Variants in SMG7 observed in about 807,000 individuals in gnomAD.
SMG7 encodes the protein SMG7 nonsense mediated mRNA decay factor.
In SMG7, 34 loss-of-function variants were observed where a neutral mutation model predicts 148.2. That is an observed-to-expected ratio of 0.23 (90% confidence interval 0.17 to 0.31). The LOEUF (loss-of-function observed/expected upper bound fraction) is 0.31. Ranked by LOEUF, SMG7 falls within the 10% of genes least tolerant of loss-of-function variation. The pLI, the probability that SMG7 is intolerant of heterozygous loss-of-function variation, is 1.00. For synonymous variants in SMG7, 492 were observed against 515.1 expected (o/e 0.96, Z 0.61); for missense variants, 1,114 against 1,408.4 (o/e 0.79, Z 3.35).
chr1:183,476,617 C>T (rs1652244737), intron 1 of SMG7, among the ~76,000 whole-genome samples: 1 of 152,144 alleles, frequency 6.6e-6, no homozygotes, highest in African/African-American at 2.4e-5. Flanking sequence ...GAAAACCTAT[C>T]TTCTATGTGG....
intron 10 of SMG7, among the ~76,000 whole-genome samples, chr1:183,536,596 G>C (rs1390375025): frequency 1.3e-5 from 2 of 152,064 alleles, no homozygotes; most frequent in Non-Finnish European, 2.9e-5. Flanking sequence ...TATTTCATGT[G>C]TAAGCTTTCA....
At chr1:183,507,384 AT>A (rs941051809) in intron 1 of SMG7, among the ~76,000 whole-genome samples, 11 of 151,546 alleles carry the variant, frequency 7.3e-5, no homozygotes, top group East Asian at 3.9e-4. Context: ...AAACATTTCA[AT>A]TTTTTTTTCT....
At chr1:183,512,052 T>G (rs946197062) in intron 1 of SMG7, among the ~76,000 whole-genome samples, 3 of 152,024 alleles carry the variant, frequency 2.0e-5, no homozygotes, top group African/African-American at 2.4e-5. Flanking sequence ...TCTTGATGAA[T>G]TTGAGAGGGG....
rs1423675238 is a variant in SMG7, at chr1:183,527,596, T to C, written c.485-360T>C. 10 of 473,672 alleles carry C rather than the reference T, an allele frequency of 2.1e-5. No homozygotes were observed. The highest frequency in any genetic ancestry group is 3.9e-5 in the Non-Finnish European group (9 of 229,014). The allele number at this position is 473,672 out of a possible 1,614,324, so 29.3% of individuals were successfully genotyped here. On this transcript the variant is annotated intron_variant, in intron 5 of 22. Transcript: ENST00000688051. This position sits in a 1 kb window ranked among gnomAD's most constrained non-coding sequence, Gnocchi z 4.0. ...TACATAATTTTCAGATCATATTGTA[T>C]AGTGTATTTTGTTTTGTTTTGTTTT...
intron 3 of SMG7, among the ~76,000 whole-genome samples, chr1:183,517,285 C>A (rs535953129): frequency 6.6e-6 from 1 of 152,152 alleles, no homozygotes; most frequent in Non-Finnish European, 1.5e-5. Flanking sequence ...AAATCCCTGC[C>A]CCCATATACA....
chr1:183,494,043 A>G (rs1156888862), intron 1 of SMG7, among the ~76,000 whole-genome samples: 3 of 152,120 alleles, frequency 2.0e-5, no homozygotes, highest in Non-Finnish European at 4.4e-5. Context: ...GCTGCAGTGC[A>G]GTGACACCAT....
At chr1:183,498,016 CT>C (rs1658925273) in intron 1 of SMG7, among the ~76,000 whole-genome samples, 1 of 152,214 alleles carries the variant, frequency 6.6e-6, no homozygotes, top group South Asian at 2.1e-4. Context: ...TTTTGAGTAT[CT>C]TTTGTTTTTC....
At chr1:183,484,629 G>A (rs996352897) in intron 1 of SMG7, among the ~76,000 whole-genome samples, 12 of 151,914 alleles carry the variant, frequency 7.9e-5, no homozygotes, top group Admixed American at 2.6e-4. Context: ...CATTTCCTTT[G>A]TATGAGGGTT....
At chr1:183,481,679 T>G (rs1246331307) in intron 1 of SMG7, among the ~76,000 whole-genome samples, 1 of 152,176 alleles carries the variant, frequency 6.6e-6, no homozygotes, top group Non-Finnish European at 1.5e-5. Context: ...GAGACAGATG[T>G]GGCACAAATA....
chr1:183,532,611 G>A (rs116566171), intron 8 of SMG7, among the ~76,000 whole-genome samples: 237 of 152,218 alleles, frequency 1.6e-3, no homozygotes, highest in Admixed American at 2.1e-3. Context: ...GTTTTAGTAT[G>A]CCATTTACCC....
intron 18 of SMG7, among the ~76,000 whole-genome samples, chr1:183,547,516 C>T (rs1414437694): frequency 6.6e-6 from 1 of 152,216 alleles, no homozygotes; most frequent in African/African-American, 2.4e-5. Context: ...GCTGGTCACA[C>T]ACACGATGTG....
chr1:183,540,438 A>G (rs761377960), intron 12 of SMG7, among the ~76,000 whole-genome samples: 1 of 152,056 alleles, frequency 6.6e-6, no homozygotes. Context: ...AAAAAGTTTA[A>G]TAAGGAGAAA....
intron 1 of SMG7, among the ~76,000 whole-genome samples, chr1:183,494,964 G>A (rs1249522337): frequency 6.6e-6 from 1 of 151,408 alleles, no homozygotes; most frequent in Admixed American, 6.6e-5. Flanking sequence ...GAGCAGCTGG[G>A]ACTACAGACA....
At chr1:183,511,152 A>C (rs1391003786) in intron 1 of SMG7, among the ~76,000 whole-genome samples, 1 of 151,944 alleles carries the variant, frequency 6.6e-6, no homozygotes, top group Non-Finnish European at 1.5e-5. Flanking sequence ...AAAAAAAAAA[A>C]TCTCTCTTAA....
intron 4 of SMG7, among the ~76,000 whole-genome samples, chr1:183,522,295 T>C (rs1664933320): frequency 6.6e-6 from 1 of 152,122 alleles, no homozygotes; most frequent in Non-Finnish European, 1.5e-5. Flanking sequence ...AACCCTGACT[T>C]AGTCAGATGG....
intron 1 of SMG7, among the ~76,000 whole-genome samples, chr1:183,480,433 C>G (rs1653782377): frequency 6.6e-6 from 1 of 151,992 alleles, no homozygotes; most frequent in Non-Finnish European, 1.5e-5. Context: ...TTGAAATTAC[C>G]ATTTCCAAAG....
chr1:183,517,478 A>C (rs372413352), intron 3 of SMG7: 2 of 576,188 alleles, frequency 3.5e-6, no homozygotes. Context: ...ACATTTGGTA[A>C]GTGTTTACTA....
chr1:183,532,229 G>C (rs1666995191), intron 8 of SMG7, among the ~76,000 whole-genome samples: 1 of 152,146 alleles, frequency 6.6e-6, no homozygotes, highest in African/African-American at 2.4e-5. Flanking sequence ...TGGTAGAACT[G>C]TAAGTAAGGA....
chr1:183,524,142 G>T (rs1395484659), intron 4 of SMG7, among the ~76,000 whole-genome samples: 1 of 151,880 alleles, frequency 6.6e-6, no homozygotes, highest in African/African-American at 2.4e-5. Flanking sequence ...GGAGTGCAGT[G>T]TATATCATAG....
Sources: allele counts gnomAD v4.1 joint callset (sites outside exome capture counted in the v4.1 genomes callset), GRCh38; gene constraint gnomAD v4.1.1; non-coding constraint Gnocchi (gnomAD v3.1); transcripts MANE v1.5; gene names NCBI Gene and HGNC (gene_info 2026-07-23, HGNC 2026-07-21).